The following TDRD5 variants were observed in gnomAD, a reference collection of about 807,000 sequenced individuals.
TDRD5 encodes tudor domain-containing protein 5.
Under a neutral mutation model 120.6 loss-of-function variants are expected in TDRD5, and 41 were observed. The ratio of observed to expected loss-of-function variants is 0.34; its 90% CI spans 0.26 to 0.44. The LOEUF (loss-of-function observed/expected upper bound fraction) is 0.44. Among genes scored for constraint, TDRD5 ranks in the 20% least tolerant of loss-of-function variants. The pLI is 1.00. For synonymous variants in TDRD5, 430 were observed against 433.7 expected (o/e 0.99, Z 0.11); for missense variants, 1,006 against 1,221.2 (o/e 0.82, Z 2.63).
intron 4 of TDRD5, among the ~76,000 whole-genome samples, chr1:179,606,484 G>A (rs1010944324): frequency 1.3e-5 from 2 of 151,960 alleles, no homozygotes; most frequent in African/African-American, 4.8e-5. Context: ...TTGTGCCTTT[G>A]GTGTTGTTTC....
chr1:179,620,147 T>G (rs1337513597), intron 5 of TDRD5, among the ~76,000 whole-genome samples: 2 of 152,198 alleles, frequency 1.3e-5, no homozygotes, highest in East Asian at 3.8e-4. Flanking sequence ...GAATAACATG[T>G]GCACACATAA....
chr1:179,595,039 TTTTTTTG>T (rs772705918), intron 3 of TDRD5, among the ~76,000 whole-genome samples: 15 of 152,076 alleles, frequency 9.9e-5, no homozygotes, highest in Admixed American at 5.2e-4. Flanking sequence ...TCAACTGTTG[TTTTTTTG>T]TTTTTTGTTT....
intron 17 of TDRD5, among the ~76,000 whole-genome samples, chr1:179,674,652 T>C (rs558313276): frequency 3.3e-4 from 51 of 152,322 alleles, no homozygotes; most frequent in South Asian, 2.9e-3. Context: ...AGAATTCAGC[T>C]GTGAATCCAT....
At chr1:179,643,197 T>C (rs928410875) in intron 11 of TDRD5, among the ~76,000 whole-genome samples, 1 of 152,200 alleles carries the variant, frequency 6.6e-6, no homozygotes, top group Non-Finnish European at 1.5e-5. Context: ...AGAGACAGTT[T>C]AGAGTTTGGA....
Position 179,634,489 on chromosome 1 carries a change from T to G in TDRD5, c.1159T>G (p.Cys387Gly), listed in dbSNP as rs1404661886. The G allele has an allele frequency of 5.0e-6, 8 of 1,604,984 alleles. No individual in the cohort carries two copies. Among genetic ancestry groups the G allele is most frequent in the Admixed American group, 3.5e-5 (2 of 57,164 alleles). The change falls in exon 8 of 18, where the codon TGT becomes GGT. Residue 387 changes from cysteine (C) to glycine (G), a missense_variant. This residue lies in a region of TDRD5 where 445 missense variants were observed against 515.5 expected (regional missense o/e 0.86). Transcript: ENST00000444136. ...AGATAAGAAAATAGAAGCCAAAGCT[T>G]GTGTCTCCAGTCCACCTAGAAATTC... Reference protein sequence around the residue: ...QSDKKIEAKACVSSPPRNSLS... With the variant: ...QSDKKIEAKAGVSSPPRNSLS...
intron 5 of TDRD5, among the ~76,000 whole-genome samples, chr1:179,619,677 C>T (rs1466374901): frequency 2.0e-5 from 3 of 151,670 alleles, no homozygotes; most frequent in Non-Finnish European, 4.4e-5. Context: ...GGCTGGAATG[C>T]CGTGGTGCAA....
intron 17 of TDRD5, among the ~76,000 whole-genome samples, chr1:179,687,326 G>A (rs891233550): frequency 9.2e-5 from 14 of 152,198 alleles, no homozygotes; most frequent in Admixed American, 5.9e-4. Flanking sequence ...GGAGCAAGTT[G>A]TTCAGTTTCC....
chr1:179,593,638 T>C lies in TDRD5; in HGVS notation c.411T>C (p.Ser137=). ...VAPILPAVVK[S]ELKDLLALSP... ...CTATTCTTCCAGCTGTTGTGAAGAGTGAGTTGAAGGACCTGTTGGCGTTAT... is the reference window on the plus strand; with the variant it reads ...CTATTCTTCCAGCTGTTGTGAAGAGCGAGTTGAAGGACCTGTTGGCGTTAT... The change falls in exon 3 of 18, where the codon AGT becomes AGC. Residue 137 remains serine (S), a synonymous_variant. Coordinates refer to ENST00000444136, the MANE Select transcript of TDRD5 (RefSeq NM_001199085.3). 21 of 1,614,080 alleles carry C rather than the reference T, an allele frequency of 1.3e-5. No individual in the cohort carries two copies. The highest frequency in any genetic ancestry group is 1.7e-5 in the Non-Finnish European group (20 of 1,180,002).
Position 179,652,093 on chromosome 1 carries a change from G to A in TDRD5, c.2056G>A (p.Glu686Lys), listed in dbSNP as rs1490756921. 1.2e-6 allele frequency: 2 copies of A among 1,613,898 alleles called. No individual in the cohort carries two copies. Among genetic ancestry groups the A allele is most frequent in the Non-Finnish European group, 1.7e-6 (2 of 1,180,000 alleles). Residue 686 changes from glutamate (E) to lysine (K), a missense_variant, in exon 13 of 18, where the codon GAG becomes AAG. Glu to Lys is a moderately conservative substitution (Grantham distance 56). Coordinates refer to ENST00000444136, the MANE Select transcript of TDRD5 (RefSeq NM_001199085.3). ...ATACACGACATCCAGTGGAGGGCCA[G>A]AGGACATTGTCTTGACAGAACTGGG... ...ALYTTSSGGP[E>K]DIVLTELGYP...
intron 13 of TDRD5, among the ~76,000 whole-genome samples, chr1:179,652,514 A>C (rs182724624): frequency 6.6e-6 from 1 of 152,244 alleles, no homozygotes; most frequent in East Asian, 1.9e-4. Flanking sequence ...CTTTCCCTGT[A>C]AACTTTCAGC....
rs1328487361 is a variant in TDRD5, at chr1:179,638,685, C to T, written c.1521-1154C>T. On this transcript the variant is annotated intron_variant, in intron 9 of 17. Coordinates refer to ENST00000444136, the MANE Select transcript of TDRD5 (RefSeq NM_001199085.3). ...GGTCTTGGGTGTGGCTGACCACTAC[C>T]ACCACCCAGTCATCCTGCCAGCTAC... is the stretch of plus-strand genomic sequence containing the variant. Among the ~76,000 whole-genome samples the T allele has an allele frequency of 4.7e-5, 6 of 126,996 alleles. 1 individual carries two copies. Among genetic ancestry groups the T allele is most frequent in the African/African-American group, 1.7e-4 (6 of 35,642 alleles). 83.3% of individuals were successfully genotyped at this position (126,996 alleles called of 152,430 possible).
At chr1:179,678,651 A>G (rs1450153945) in intron 17 of TDRD5, among the ~76,000 whole-genome samples, 1 of 152,190 alleles carries the variant, frequency 6.6e-6, no homozygotes, top group Non-Finnish European at 1.5e-5. Flanking sequence ...TGTTAAATTT[A>G]TCCCTAAGTA....
intron 4 of TDRD5, among the ~76,000 whole-genome samples, chr1:179,614,822 A>C (rs191749003): frequency 6.6e-6 from 1 of 152,128 alleles, no homozygotes; most frequent in Non-Finnish European, 1.5e-5. Flanking sequence ...CGATGTATGT[A>C]TACATTGTGG....
chr1:179,668,569 G>A (rs1558419543), intron 16 of TDRD5, among the ~76,000 whole-genome samples: 1 of 152,098 alleles, frequency 6.6e-6, no homozygotes, highest in Non-Finnish European at 1.5e-5. Context: ...CCCGACACGG[G>A]GTGCTCAGTG....
intron 13 of TDRD5, 27 bp downstream of exon 13, chr1:179,652,224 T>A (rs752382244): frequency 6.4e-7 from 1 of 1,570,864 alleles, no homozygotes; most frequent in South Asian, 1.2e-5. Context: ...AATACTATTA[T>A]AATTCTTTTT....
At chr1:179,648,112 A>G (rs1460784325) in intron 11 of TDRD5, among the ~76,000 whole-genome samples, 1 of 150,240 alleles carries the variant, frequency 6.7e-6, no homozygotes, top group Non-Finnish European at 1.5e-5. Flanking sequence ...TACCCAAAGG[A>G]CTATAAATCA....
chr1:179,657,219 G>A (rs1679053173), intron 14 of TDRD5, among the ~76,000 whole-genome samples: 1 of 152,016 alleles, frequency 6.6e-6, no homozygotes, highest in Non-Finnish European at 1.5e-5. Flanking sequence ...AGATAATTTT[G>A]AGGAAAGTTG....
intron 4 of TDRD5, among the ~76,000 whole-genome samples, chr1:179,608,569 C>T (rs1033729980): frequency 1.3e-5 from 2 of 152,052 alleles, no homozygotes; most frequent in Non-Finnish European, 2.9e-5. Context: ...ATTTTTCATT[C>T]AGATGTTGCA....
intron 14 of TDRD5, among the ~76,000 whole-genome samples, chr1:179,659,204 A>G (rs1679156243): frequency 6.6e-6 from 1 of 152,164 alleles, no homozygotes; most frequent in African/African-American, 2.4e-5. Context: ...CTTTGAAAAA[A>G]ACATGTATTC....
Sources: gnomAD v4.1 joint callset for allele counts (sites outside exome capture counted in the v4.1 genomes callset) on GRCh38, gnomAD v4.1.1 for gene constraint, gnomAD v4.1.1 regional missense constraint, MANE v1.5 for transcripts, NCBI Gene and HGNC (gene_info 2026-07-23, HGNC 2026-07-21) for gene names.